CEP128: variants seen among roughly 807,000 people sequenced by gnomAD.
CEP128 encodes centrosomal protein 128kDa.
Under a neutral mutation model 156.7 loss-of-function variants are expected in CEP128, and 132 were observed. The ratio of observed to expected loss-of-function variants is 0.84; its 90% CI spans 0.73 to 0.97. The LOEUF (loss-of-function observed/expected upper bound fraction) is 0.97. Ranked by LOEUF, CEP128 falls within the 50% of genes least tolerant of loss-of-function variation. The pLI is 0.00. For synonymous variants in CEP128, 469 were observed against 448.9 expected (o/e 1.04, Z -0.57); for missense variants, 1,252 against 1,281.9 (o/e 0.98, Z 0.36).
rs549728422 is a variant in CEP128, at chr14:80,690,094, T to C, written c.2806+52981A>G. Among the ~76,000 whole-genome samples, 226 of 152,090 alleles carry C rather than the reference T, an allele frequency of 1.5e-3. 1 individual carries two copies. The highest frequency in any genetic ancestry group is 1.4e-3 in the Non-Finnish European group (98 of 67,976). ...GAATGTGGTCTTGTTACTAAGTTGT[T>C]CCAAGCTTAGTTACTCAAGAAGACA... On this transcript the variant is annotated intron_variant, in intron 19 of 24. Coordinates refer to ENST00000555265, the MANE Select transcript of CEP128 (RefSeq NM_152446.5).
At chr14:80,672,958 C>T (rs1402360315) in intron 19 of CEP128, among the ~76,000 whole-genome samples, 1 of 152,028 alleles carries the variant, frequency 6.6e-6, no homozygotes, top group Non-Finnish European at 1.5e-5. Flanking sequence ...TATTCTCAAA[C>T]TTAAGGTTTC....
chr14:80,893,170 T>C (rs1889183492), intron 8 of CEP128, among the ~76,000 whole-genome samples: 1 of 152,050 alleles, frequency 6.6e-6, no homozygotes, highest in Non-Finnish European at 1.5e-5. Context: ...TCTTTTCATT[T>C]ACCACAACAT....
At chr14:80,728,503 T>G (rs1595297342) in intron 19 of CEP128, among the ~76,000 whole-genome samples, 1 of 152,092 alleles carries the variant, frequency 6.6e-6, no homozygotes. Flanking sequence ...CATGTACCCC[T>G]GAACCTAAAA....
chr14:80,902,129 AT>A (rs1463432277), intron 6 of CEP128, among the ~76,000 whole-genome samples: 3 of 152,146 alleles, frequency 2.0e-5, no homozygotes, highest in African/African-American at 7.2e-5. Context: ...CTGTAGCCCT[AT>A]GCATCTTTCC....
At chr14:80,908,882 C>T (rs1307427683) in intron 4 of CEP128, among the ~76,000 whole-genome samples, 1 of 152,186 alleles carries the variant, frequency 6.6e-6, no homozygotes, top group Admixed American at 6.5e-5. Flanking sequence ...CTTCTGTCAC[C>T]GTGAAGGCTG....
At chr14:80,510,808 GT>G (rs570009355) in intron 23 of CEP128, among the ~76,000 whole-genome samples, 24 of 147,618 alleles carry the variant, frequency 1.6e-4, no homozygotes, top group African/African-American at 2.5e-4. Context: ...TTTTTGAGGG[GT>G]TTTTTTTTTA....
At chr14:80,733,753 T>C (rs1365808149) in intron 19 of CEP128, among the ~76,000 whole-genome samples, 1 of 152,172 alleles carries the variant, frequency 6.6e-6, no homozygotes, top group Non-Finnish European at 1.5e-5. Context: ...GACATGCATA[T>C]GTTTATTTTC....
chr14:80,593,898 C>T lies in CEP128; in HGVS notation c.2807-13475G>A, dbSNP rs149271456. Among the ~76,000 whole-genome samples, 274 of 152,222 alleles carry T rather than the reference C, an allele frequency of 1.8e-3. 2 individuals carry two copies. Among genetic ancestry groups the T allele is most frequent in the African/African-American group, 5.5e-3 (229 of 41,540 alleles). On this transcript the variant is annotated intron_variant, in intron 19 of 24. Transcript: ENST00000555265. The stretch of plus-strand genomic sequence containing the variant: ...ATATTGTGAAAATGGCCATACTGCC[C>T]GAAGTAATTTATAGATTCAGTGCTA...
At chr14:80,759,311 T>C (rs1899836616) in intron 17 of CEP128, among the ~76,000 whole-genome samples, 1 of 152,194 alleles carries the variant, frequency 6.6e-6, no homozygotes, top group African/African-American at 2.4e-5. Context: ...ATCTATTCCA[T>C]AGCACTGTTA....
At chr14:80,616,000 A>G (rs1364978101) in intron 19 of CEP128, among the ~76,000 whole-genome samples, 1 of 152,238 alleles carries the variant, frequency 6.6e-6, no homozygotes, top group African/African-American at 2.4e-5. Context: ...CAGAAGCTCA[A>G]ATACAGAAAG....
intron 19 of CEP128, among the ~76,000 whole-genome samples, chr14:80,669,097 A>G (rs1269770984): frequency 6.6e-6 from 1 of 151,414 alleles, no homozygotes; most frequent in Non-Finnish European, 1.5e-5. Context: ...TTGGATATCC[A>G]TATGCAAAAG....
At chr14:80,581,672 C>G (rs920050480) in intron 19 of CEP128, among the ~76,000 whole-genome samples, 1 of 152,162 alleles carries the variant, frequency 6.6e-6, no homozygotes, top group African/African-American at 2.4e-5. Context: ...CAAAACCTCC[C>G]TTAATCAGGT....
At chr14:80,711,405 C>T (rs1897401900) in intron 19 of CEP128, among the ~76,000 whole-genome samples, 1 of 151,354 alleles carries the variant, frequency 6.6e-6, no homozygotes, top group Non-Finnish European at 1.5e-5. Flanking sequence ...ATCATAATAA[C>T]AATCACTTCC....
chr14:80,788,936 T>C lies in CEP128; in HGVS notation c.1561-3391A>G, dbSNP rs1020083394. Among the ~76,000 whole-genome samples the C allele has an allele frequency of 4.6e-5, 7 of 152,164 alleles. 1 individual carries two copies. ...TTTGACAGTATGTCAAAGCTTTGGCTCCAGCTCTCTGCAATTTTGTACCTA... is the reference window on the plus strand; with the variant it reads ...TTTGACAGTATGTCAAAGCTTTGGCCCCAGCTCTCTGCAATTTTGTACCTA... On this transcript the variant is annotated intron_variant, in intron 14 of 24. Coordinates refer to ENST00000555265, the MANE Select transcript of CEP128 (RefSeq NM_152446.5).
Position 80,595,223 on chromosome 14 carries a change from G to A in CEP128, c.2807-14800C>T, listed in dbSNP as rs1892262001. Among the ~76,000 whole-genome samples, 3 of 152,108 alleles carry A rather than the reference G, an allele frequency of 2.0e-5. No homozygotes were observed. The South Asian group carries it at 6.2e-4, about 32-fold the overall frequency. On this transcript the variant is annotated intron_variant, in intron 19 of 24. Coordinates refer to ENST00000555265, the MANE Select transcript of CEP128 (RefSeq NM_152446.5). ...ATTCTCAGCAAACTAACACAGGAAT[G>A]GAAAACCAAACACCGTGTGTTCTCA...
downstream of CEP128, among the ~76,000 whole-genome samples, chr14:80,489,358 A>G (rs1172237425): frequency 6.6e-6 from 1 of 152,038 alleles, no homozygotes; most frequent in African/African-American, 2.4e-5. Flanking sequence ...TTGCATTACG[A>G]AAAGGATAAT....
At chr14:80,688,099 A>T (rs1299800265) in intron 19 of CEP128, among the ~76,000 whole-genome samples, 1 of 152,172 alleles carries the variant, frequency 6.6e-6, no homozygotes, top group Non-Finnish European at 1.5e-5. Flanking sequence ...TAGAAGATAC[A>T]TCCTTGCTAT....
intron 19 of CEP128, among the ~76,000 whole-genome samples, chr14:80,640,347 A>G (rs989040538): frequency 7.2e-5 from 11 of 152,346 alleles, no homozygotes; most frequent in South Asian, 2.1e-4. Flanking sequence ...GGTGAATACT[A>G]CTTCATTCAA....
chr14:80,762,672 C>T (rs964741845), intron 16 of CEP128, among the ~76,000 whole-genome samples: 1 of 152,200 alleles, frequency 6.6e-6, no homozygotes, highest in Non-Finnish European at 1.5e-5. Context: ...TCTCATGCCT[C>T]ATCTTCCTCC....
Sources: gnomAD v4.1 joint callset for allele counts (sites outside exome capture counted in the v4.1 genomes callset) on GRCh38, gnomAD v4.1.1 for gene constraint, MANE v1.5 for transcripts, NCBI Gene and HGNC (gene_info 2026-07-23, HGNC 2026-07-21) for gene names.